The following RRH variants were observed in gnomAD, a reference collection of about 807,000 sequenced individuals.
RRH encodes the protein retinal pigment epithelium-derived rhodopsin homolog, also known as visual pigment-like receptor peropsin.
Under a neutral mutation model 33.1 loss-of-function variants are expected in RRH, and 36 were observed. The observed-to-expected ratio is 1.09, with a 90% CI of 0.83 to 1.44. The LOEUF (loss-of-function observed/expected upper bound fraction) is 1.44, where lower values mean the gene tolerates loss of function less well. Ranked by LOEUF, RRH falls within the 40% of genes most tolerant of loss-of-function variation. The pLI is 0.00. For synonymous variants in RRH, 124 were observed against 140.2 expected, an observed-to-expected ratio of 0.88 and a Z score of 0.82; for missense variants, 393 against 420.2, an observed-to-expected ratio of 0.94 and a Z score of 0.57.
chr4:109,835,034 G>T (rs369326776), intron 2 of RRH, among the ~76,000 whole-genome samples: 1 of 152,136 alleles, frequency 6.6e-6, no homozygotes, highest in East Asian at 1.9e-4. Flanking sequence ...TATTGAGTTT[G>T]TCTTTTCCTC....
chr4:109,839,296 A>T (rs1733944251), intron 5 of RRH, among the ~76,000 whole-genome samples: 1 of 152,170 alleles, frequency 6.6e-6, no homozygotes, highest in South Asian at 2.1e-4. Context: ...TGTTGAACAA[A>T]ATAGAAATTT....
intron 4 of RRH, among the ~76,000 whole-genome samples, chr4:109,836,982 G>A (rs979063540): frequency 1.3e-5 from 2 of 151,912 alleles, no homozygotes; most frequent in Admixed American, 1.3e-4. Flanking sequence ...CAGCTACTCG[G>A]TTGGCTAAAA....
At chr4:109,834,777 A>G (rs552532004) in intron 2 of RRH, among the ~76,000 whole-genome samples, 2 of 152,184 alleles carry the variant, frequency 1.3e-5, no homozygotes, top group South Asian at 4.1e-4. Context: ...TTCATCTTCA[A>G]CTTTATCAGA....
rs115617845 is a variant in RRH at position 109,836,032 on chromosome 4, C to A, written c.423C>A (p.Tyr141Ter). ...DVGRRMTTNTYIGLILGAWIN... is the reference protein window; with the variant it reads ...DVGRRMTTNT ...GGAGAAGAATGACCACCAACACTTA[C>A]ATCGGCTTGATTCTGGGAGCCTGGA... is the stretch of plus-strand genomic sequence containing the variant. The change falls in exon 4 of 7, where the codon TAC becomes TAA. Residue 141 changes from tyrosine (Y) to a stop codon, truncating the protein, a stop_gained. Transcript: ENST00000317735. LOFTEE classifies it high-confidence loss of function. The A allele has an allele frequency of 3.0e-4, 477 of 1,614,202 alleles. 2 individuals carry two copies. In the African/African-American group the frequency reaches 6.0e-3, roughly 20 times the overall value.
Position 109,836,144 on chromosome 4 carries a change from T to C in RRH, c.535T>C (p.Trp179Arg). ...TACTGGTGCTACGTGTACCATAAAC[T>C]GGAGGAAAAATGATAGGTAAGAGAC... ...DPTGATCTINWRKNDRSFVSY... is the reference protein window; with the variant it reads ...DPTGATCTINRRKNDRSFVSY... The change falls in exon 4 of 7, where the codon TGG becomes CGG. Residue 179 changes from tryptophan (W) to arginine (R), a missense_variant. By Grantham distance (101) the Trp-to-Arg change is moderately radical. Coordinates refer to ENST00000317735, the MANE Select transcript of RRH (RefSeq NM_006583.5). 6.2e-7 allele frequency: 1 copy of C among 1,614,156 alleles called. No individual in the cohort carries two copies. The highest frequency in any genetic ancestry group is 8.5e-7 in the Non-Finnish European group (1 of 1,179,998).
chr4:109,839,584 C>T (rs944079466), intron 5 of RRH, among the ~76,000 whole-genome samples: 6 of 152,226 alleles, frequency 3.9e-5, no homozygotes, highest in Non-Finnish European at 8.8e-5. Flanking sequence ...CATCCATTAG[C>T]TGTTCTTCCT....
At chr4:109,832,936 T>C (rs1733789775) in intron 1 of RRH, among the ~76,000 whole-genome samples, 1 of 152,182 alleles carries the variant, frequency 6.6e-6, no homozygotes, top group Non-Finnish European at 1.5e-5. Flanking sequence ...ACCAGATTCT[T>C]TGTGTTTTAA....
At chr4:109,835,026 T>C (rs1579361099) in intron 2 of RRH, among the ~76,000 whole-genome samples, 1 of 152,212 alleles carries the variant, frequency 6.6e-6, no homozygotes, top group East Asian at 1.9e-4. Context: ...CATTTTTCTA[T>C]TGAGTTTGTC....
chr4:109,841,276 G>A (rs2125894363), intron 5 of RRH, among the ~76,000 whole-genome samples: 1 of 152,102 alleles, frequency 6.6e-6, no homozygotes, highest in African/African-American at 2.4e-5. Flanking sequence ...CATGTTCCTG[G>A]GTGGGAGGCA....
chr4:109,844,777 T>G lies in RRH; in HGVS notation c.*580T>G, dbSNP rs953107632. Among the ~76,000 whole-genome samples the G allele has an allele frequency of 6.6e-6, 1 of 152,220 alleles. No homozygotes were observed. Among genetic ancestry groups the G allele is most frequent in the African/African-American group, 2.4e-5 (1 of 41,472 alleles). ...GCATATTTTGATGTTTTCTGCAATTTTGAGTACCATTTTTCTGCATATATA... is the reference window on the plus strand; with the variant it reads ...GCATATTTTGATGTTTTCTGCAATTGTGAGTACCATTTTTCTGCATATATA... On this transcript the variant is annotated 3_prime_UTR_variant, in exon 7 of 7. Coordinates refer to ENST00000317735, the MANE Select transcript of RRH (RefSeq NM_006583.5).
intron 2 of RRH, 37 bp from the exon 3 acceptor site, chr4:109,835,329 T>C (rs1663743178): frequency 1.4e-6 from 2 of 1,395,692 alleles, no homozygotes; most frequent in East Asian, 4.6e-5. Flanking sequence ...TGGGAGGGTG[T>C]TTAGAATGGT....
chr4:109,835,354 T>G lies in RRH; in HGVS notation c.298-12T>G. ...TTTAGAATGGTAGAGTCTTTTCAAT[T>G]TTGGTTTTCAGGTTTATGCTGGATT... is the stretch of plus-strand genomic sequence containing the variant. On this transcript the variant is annotated splice_polypyrimidine_tract_variant and intron_variant, in intron 2 of 6. Coordinates refer to ENST00000317735, the MANE Select transcript of RRH (RefSeq NM_006583.5). The G allele has an allele frequency of 6.3e-7, 1 of 1,592,624 alleles. No individual in the cohort carries two copies. Among genetic ancestry groups the G allele is most frequent in the Non-Finnish European group, 8.6e-7 (1 of 1,160,464 alleles).
chr4:109,828,970 A>G (rs1733692979), intron 1 of RRH, among the ~76,000 whole-genome samples: 1 of 152,158 alleles, frequency 6.6e-6, no homozygotes, highest in Non-Finnish European at 1.5e-5. Context: ...TGGGGGAATG[A>G]CAGAAACTTT....
chr4:109,838,451 G>C (rs1429954993), intron 5 of RRH, among the ~76,000 whole-genome samples: 1 of 151,970 alleles, frequency 6.6e-6, no homozygotes, highest in Admixed American at 6.6e-5. Flanking sequence ...ACCAGCTCAG[G>C]ATGCTTTCAC....
chr4:109,828,368 G>A (rs1733681131), intron 1 of RRH, among the ~76,000 whole-genome samples: 1 of 148,712 alleles, frequency 6.7e-6, no homozygotes, highest in African/African-American at 2.6e-5. Context: ...GTTAGTGATG[G>A]CCATTGCCAC....
intron 5 of RRH, among the ~76,000 whole-genome samples, chr4:109,839,094 T>C (rs1733939818): frequency 2.0e-5 from 3 of 150,966 alleles, no homozygotes; most frequent in African/African-American, 7.4e-5. Flanking sequence ...TTTGTTTCTT[T>C]TGTGGTTGTT....
chr4:109,834,025 C>T (rs1007996884), intron 2 of RRH, among the ~76,000 whole-genome samples: 6 of 152,092 alleles, frequency 3.9e-5, no homozygotes, highest in African/African-American at 9.7e-5. Flanking sequence ...TGAAGGCCAC[C>T]GCATGCCATC....
intron 1 of RRH, among the ~76,000 whole-genome samples, chr4:109,828,387 T>A (rs1733681731): frequency 6.6e-6 from 1 of 152,126 alleles, no homozygotes; most frequent in Non-Finnish European, 1.5e-5. Flanking sequence ...ACAGGTTATT[T>A]TGAATTTTGG....
At chr4:109,829,464 C>G (rs1733705233) in intron 1 of RRH, among the ~76,000 whole-genome samples, 1 of 149,980 alleles carries the variant, frequency 6.7e-6, no homozygotes, top group African/African-American at 2.4e-5. Flanking sequence ...CCTTTTTTGA[C>G]CTGGTTACAA....
Sources: allele counts gnomAD v4.1 joint callset (sites outside exome capture counted in the v4.1 genomes callset), GRCh38; gene constraint gnomAD v4.1.1; transcripts MANE v1.5; gene names NCBI Gene and HGNC (gene_info 2026-07-23, HGNC 2026-07-21).